The following PHACTR1 variants were observed in gnomAD, a reference collection of about 807,000 sequenced individuals.
PHACTR1 encodes RPEL repeat containing 1.
A neutral mutation model predicts 69.2 loss-of-function variants in PHACTR1; 16 were observed. That is an observed-to-expected ratio of 0.23 (90% CI 0.16 to 0.35). PHACTR1 has a LOEUF of 0.35. PHACTR1 is among the 10% of genes least tolerant of loss of function. The probability of loss-of-function intolerance (pLI) is 1.00; values close to 1 mark genes in which losing one functional copy is unlikely to be tolerated. For synonymous variants in PHACTR1, 312 were observed against 284.5 expected, an observed-to-expected ratio of 1.10 and a Z score of -0.97; for missense variants, 510 against 734.7, an observed-to-expected ratio of 0.69 and a Z score of 3.54.
chr6:12,828,830 G>T (rs1376864338), intron 4 of PHACTR1, among the ~76,000 whole-genome samples: 1 of 152,102 alleles, frequency 6.6e-6, no homozygotes, highest in Non-Finnish European at 1.5e-5. Context: ...GGGGTGGGGT[G>T]GTTACGGAGA....
chr6:12,802,139 T>TTTTATTTTATATAATAA, intron 4 of PHACTR1, among the ~76,000 whole-genome samples: 2 of 149,082 alleles, frequency 1.3e-5, no homozygotes, highest in African/African-American at 2.4e-5. Context: ...TATAAAATAA[T>TTTTATTTTATATAATAA]ATGTAGCTCA....
rs567413992 is a variant in PHACTR1 at position 13,127,053 on chromosome 6, G to T, written c.416-33151G>T. On this transcript the variant is annotated intron_variant, in intron 5 of 14. Transcript: ENST00000332995. ...AAATGAACACTTATATGCTGAATTG[G>T]ACAGAGCAGTAAATTACGAAAATAT... Among the ~76,000 whole-genome samples, 7 of 152,336 alleles carry T rather than the reference G, an allele frequency of 4.6e-5. No homozygotes were observed. In the South Asian group the frequency reaches 1.0e-3, roughly 23 times the overall value.
intron 4 of PHACTR1, among the ~76,000 whole-genome samples, chr6:13,040,353 G>A (rs1440100421): frequency 6.6e-6 from 1 of 151,990 alleles, no homozygotes; most frequent in South Asian, 2.1e-4. Context: ...TTTTGGAAAG[G>A]GAAAAAGGAA....
At chr6:13,281,090 T>C in intron 12 of PHACTR1, 1 of 1,289,618 alleles carries the variant, frequency 7.8e-7, no homozygotes, top group Non-Finnish European at 1.0e-6. Context: ...GGCCCCGCGA[T>C]GTTCAGGCAT....
intron 5 of PHACTR1, among the ~76,000 whole-genome samples, chr6:13,156,576 T>C (rs1477360576): frequency 6.6e-6 from 1 of 152,216 alleles, no homozygotes; most frequent in Non-Finnish European, 1.5e-5. Context: ...TGAAAGCATC[T>C]GGCATAGTCT....
chr6:12,919,277 G>C (rs991495508), intron 4 of PHACTR1, among the ~76,000 whole-genome samples: 2 of 152,144 alleles, frequency 1.3e-5, no homozygotes, highest in East Asian at 1.9e-4. Flanking sequence ...CGAGTAGCTG[G>C]GACTACAGGC....
intron 4 of PHACTR1, among the ~76,000 whole-genome samples, chr6:13,047,138 G>A (rs1805185569): frequency 1.3e-5 from 2 of 152,134 alleles, no homozygotes. Context: ...AGCACTTTGG[G>A]AGGCCAAGGT....
intron 4 of PHACTR1, among the ~76,000 whole-genome samples, chr6:13,020,259 CA>C (rs1203135031): frequency 6.6e-6 from 1 of 152,194 alleles, no homozygotes; most frequent in East Asian, 1.9e-4. Flanking sequence ...AGCAGTAGAC[CA>C]TTCAAGAGAA....
At chr6:13,066,926 G>A (rs1808740307) in intron 5 of PHACTR1, among the ~76,000 whole-genome samples, 1 of 152,148 alleles carries the variant, frequency 6.6e-6, no homozygotes, top group African/African-American at 2.4e-5. Context: ...AATGGTTAAA[G>A]CAAGCCATGG....
intron 4 of PHACTR1, among the ~76,000 whole-genome samples, chr6:12,985,565 C>CAG (rs569513582): frequency 1.3e-4 from 19 of 142,640 alleles, no homozygotes; most frequent in South Asian, 2.2e-4. Flanking sequence ...TATATATACA[C>CAG]AGAGAGAGAG....
intron 4 of PHACTR1, among the ~76,000 whole-genome samples, chr6:12,859,905 T>C (rs1780769580): frequency 6.6e-6 from 1 of 152,164 alleles, no homozygotes; most frequent in African/African-American, 2.4e-5. Context: ...AGAAGGTTTT[T>C]AGAGCTAGGC....
intron 4 of PHACTR1, among the ~76,000 whole-genome samples, chr6:12,923,007 G>C (rs1787885230): frequency 6.6e-6 from 1 of 152,238 alleles, no homozygotes; most frequent in Non-Finnish European, 1.5e-5. Flanking sequence ...CACTATGTCA[G>C]GAGATATGTA....
At chr6:12,857,617 T>A (rs1043959150) in intron 4 of PHACTR1, among the ~76,000 whole-genome samples, 2 of 129,312 alleles carry the variant, frequency 1.5e-5, no homozygotes, top group African/African-American at 2.6e-5. Context: ...AAAAAAAAAA[T>A]TCTCCCAGGC....
At chr6:12,869,009 G>C (rs1404424049) in intron 4 of PHACTR1, among the ~76,000 whole-genome samples, 43 of 152,164 alleles carry the variant, frequency 2.8e-4, no homozygotes, top group African/African-American at 9.9e-4. Context: ...AGGTCCTTGT[G>C]AATTCTATTT....
chr6:12,963,171 G>A (rs1792971002), intron 4 of PHACTR1, among the ~76,000 whole-genome samples: 1 of 152,210 alleles, frequency 6.6e-6, no homozygotes, highest in South Asian at 2.1e-4. Context: ...TATGGGAAGT[G>A]CAGAGGAACT....
chr6:12,720,722 C>A (rs1227489308), intron 3 of PHACTR1, among the ~76,000 whole-genome samples: 1 of 152,252 alleles, frequency 6.6e-6, no homozygotes, highest in Non-Finnish European at 1.5e-5. Context: ...AACCCCCAGT[C>A]TTCCTGAACC....
At chr6:12,929,666 C>G (rs1451864186) in intron 4 of PHACTR1, among the ~76,000 whole-genome samples, 1 of 152,202 alleles carries the variant, frequency 6.6e-6, no homozygotes, top group Non-Finnish European at 1.5e-5. Context: ...GCCAATCTCA[C>G]CTCTTTTGAG....
At chr6:13,189,467 C>G (rs141158883) in intron 7 of PHACTR1, among the ~76,000 whole-genome samples, 3 of 150,622 alleles carry the variant, frequency 2.0e-5, no homozygotes, top group African/African-American at 7.3e-5. Flanking sequence ...AGCACAATCA[C>G]GGCTCACTGC....
chr6:12,850,210 T>C (rs1466679056), intron 4 of PHACTR1, among the ~76,000 whole-genome samples: 1 of 152,244 alleles, frequency 6.6e-6, no homozygotes, highest in Admixed American at 6.5e-5. Flanking sequence ...TGGATCTCCT[T>C]CTTCCGTCAC....
Sources: gnomAD v4.1 joint callset for allele counts (sites outside exome capture counted in the v4.1 genomes callset) on GRCh38, gnomAD v4.1.1 for gene constraint, MANE v1.5 for transcripts, NCBI Gene and HGNC (gene_info 2026-07-23, HGNC 2026-07-21) for gene names.